The following DNAH2 variants were observed in gnomAD, a reference collection of about 807,000 sequenced individuals.
DNAH2 encodes the protein axonemal beta dynein heavy chain 2.
A neutral mutation model predicts 523.5 loss-of-function variants in DNAH2; 323 were observed. That is an observed-to-expected ratio of 0.62 (90% CI 0.56 to 0.68). The LOEUF (loss-of-function observed/expected upper bound fraction) is 0.68, where lower values mean the gene tolerates loss of function less well. DNAH2 is among the 30% of genes least tolerant of loss of function. DNAH2 has a pLI of 0.00. For missense variants in DNAH2, 4,907 were observed against 5,701.5 expected (o/e 0.86, Z 4.49); for synonymous variants, 2,093 against 2,177.4 (o/e 0.96, Z 1.08).
Position 7,793,101 on chromosome 17 carries a change from G to A in DNAH2, c.7465G>A (p.Ala2489Thr), listed in dbSNP as rs538779683. The A allele has an allele frequency of 2.5e-5, 41 of 1,614,184 alleles. No individual in the cohort carries two copies. The highest frequency in any genetic ancestry group is 9.9e-5 in the South Asian group (9 of 91,074). ...ITFMDDLNMP[A>T]KDMFGSQPPL... ...CTTTATGGATGACCTAAATATGCCC[G>A]CTAAGGACATGTTTGGGTCCCAGCC... is the stretch of plus-strand genomic sequence containing the variant. Residue 2489 changes from alanine to threonine, a missense_variant, in exon 48 of 86, where the codon GCT becomes ACT. Ala to Thr is a moderately conservative substitution (Grantham distance 58). This residue lies in a region of DNAH2 where 250 missense variants were observed against 371.3 expected (regional missense o/e 0.67). Transcript: ENST00000572933.
chr17:7,751,920 G>GGTGTGTGTGT lies in DNAH2; in HGVS notation c.1905-5153_1905-5144dup, dbSNP rs1555544367. ...TGAGTCTTTCCAAGAATAGTTGTGG[G>GGTGTGTGTGT]GTGTGTGTGTGTGTGTGTGTGTGTG... is the stretch of plus-strand genomic sequence containing the variant. On this transcript the variant is annotated intron_variant, in intron 12 of 85. Transcript: ENST00000572933. Among the ~76,000 whole-genome samples the GGTGTGTGTGT allele has an allele frequency of 1.3e-3, 195 of 145,986 alleles. 1 individual carries two copies. The highest frequency in any genetic ancestry group is 3.9e-3 in the African/African-American group (157 of 39,786).
intron 39 of DNAH2, among the ~76,000 whole-genome samples, chr17:7,785,225 C>G (rs767943506): frequency 4.6e-5 from 7 of 152,036 alleles, no homozygotes; most frequent in African/African-American, 7.2e-5. Flanking sequence ...CCTCAGCCTC[C>G]TGAGTAGCTG....
At chr17:7,721,157 C>T (rs1487910657) in intron 2 of DNAH2, among the ~76,000 whole-genome samples, 1 of 151,520 alleles carries the variant, frequency 6.6e-6, no homozygotes, top group Non-Finnish European at 1.5e-5. Context: ...TACAGGCATA[C>T]ACCACCATGC....
chr17:7,778,479 C>G lies in DNAH2; in HGVS notation c.5541+10C>G. The stretch of plus-strand genomic sequence containing the variant: ...CTCAGGTCTGGCCCAGGTCAGTATC[C>G]TGCCACCCTGTGCCAGAAGCCCCTT... On this transcript the variant is annotated intron_variant, in intron 35 of 85. Coordinates refer to ENST00000572933, the MANE Select transcript of DNAH2 (RefSeq NM_020877.5). 1 of 1,592,784 alleles carries G rather than the reference C, an allele frequency of 6.3e-7. No individual in the cohort carries two copies. The highest frequency in any genetic ancestry group is 8.6e-7 in the Non-Finnish European group (1 of 1,167,900).
rs1349495383 is a variant in DNAH2, at chr17:7,797,199, C to T, written c.7887C>T (p.Ala2629=). The T allele has an allele frequency of 1.9e-6, 3 of 1,613,886 alleles. No homozygotes were observed. Among genetic ancestry groups the T allele is most frequent in the Non-Finnish European group, 2.5e-6 (3 of 1,179,956 alleles). ...ISKVFQGMLR[A]NKDFHDTKSS... is the part of the protein sequence containing the mutation. ...AGGTGTTCCAGGGCATGCTTAGAGCCAACAAGGACTTCCATGATACCAAGT... is the reference window on the plus strand; with the variant it reads ...AGGTGTTCCAGGGCATGCTTAGAGCTAACAAGGACTTCCATGATACCAAGT... The change falls in exon 51 of 86, where the codon GCC becomes GCT. Residue 2629 remains alanine, a synonymous_variant. Transcript: ENST00000572933.
chr17:7,814,533 A>G (rs1423755485), intron 63 of DNAH2, among the ~76,000 whole-genome samples: 1 of 152,248 alleles, frequency 6.6e-6, no homozygotes, highest in African/African-American at 2.4e-5. Context: ...TTTTTCAGAG[A>G]TACAGAAGTA....
chr17:7,786,472 TGA>T lies in DNAH2; in HGVS notation c.6349-93_6349-92del. On this transcript the variant is annotated intron_variant, in intron 40 of 85. Transcript: ENST00000572933. This position sits in a 1 kb window ranked among gnomAD's most constrained non-coding sequence, Gnocchi z 7.5. ...CTGGGACCATGGTGGCCTGGAGCGA[TGA>T]GAGAAGGGACAAATGCACGTACCTA... The T allele has an allele frequency of 6.8e-7, 1 of 1,464,574 alleles. No homozygotes were observed. The highest frequency in any genetic ancestry group is 9.4e-7 in the Non-Finnish European group (1 of 1,065,006). The allele number at this position is 1,464,574 out of a possible 1,614,324, so 90.7% of individuals were successfully genotyped here.
Position 7,798,380 on chromosome 17 carries a change from C to A in DNAH2, c.8398+56C>A. Reference sequence around the variant, plus strand: ...AAAAGATCAGATGCATACATTCCTGCAGTGACAAGAGAGGAGAGATGGCAG... The same window carrying A: ...AAAAGATCAGATGCATACATTCCTGAAGTGACAAGAGAGGAGAGATGGCAG... On this transcript the variant is annotated intron_variant, in intron 54 of 85. Transcript: ENST00000572933. This position sits in a 1 kb window ranked among gnomAD's most constrained non-coding sequence, Gnocchi z 5.5. 6.4e-7 allele frequency: 1 copy of A among 1,563,930 alleles called. No homozygotes were observed. Among genetic ancestry groups the A allele is most frequent in the East Asian group, 2.3e-5 (1 of 44,278 alleles).
At chr17:7,730,225 G>A (rs957449369) in intron 4 of DNAH2, among the ~76,000 whole-genome samples, 2 of 151,810 alleles carry the variant, frequency 1.3e-5, no homozygotes, top group Middle Eastern at 3.2e-3. Context: ...AAAGCAGCAT[G>A]TTATAAAACC....
In DNAH2 at chr17:7,798,769, T is replaced by C. The variant is rs898529306; in HGVS notation, c.8559+51T>C. 3 of 1,580,474 alleles carry C rather than the reference T, an allele frequency of 1.9e-6. No individual in the cohort carries two copies. The highest frequency in any genetic ancestry group is 2.6e-6 in the Non-Finnish European group (3 of 1,164,658). On this transcript the variant is annotated intron_variant, in intron 55 of 85. Coordinates refer to ENST00000572933, the MANE Select transcript of DNAH2 (RefSeq NM_020877.5). The surrounding 1 kb of genome is among the most constrained non-coding windows in gnomAD (Gnocchi z 5.5). ...CAGTCAGTTCTTTGGCCTGCCTAGC[T>C]GACCCCAGAAGGACCACAGCTCCCA...
At position 7,787,027 on chromosome 17, in the gene DNAH2, C is replaced by G; in HGVS notation, c.6597C>G (p.Pro2199=). The part of the protein sequence containing the change: ...TLINGERIAM[P]EQVSLLFEVE... ...TCAACGGCGAGCGCATCGCGATGCC[C>G]GAGCAGGTCAGGGACGCGGCTGACT... The change falls in exon 42 of 86, where the codon CCC becomes CCG. Residue 2199 remains proline, a synonymous_variant. Transcript: ENST00000572933. The G allele has an allele frequency of 2.5e-6, 4 of 1,614,020 alleles. No homozygotes were observed. The highest frequency in any genetic ancestry group is 3.4e-6 in the Non-Finnish European group (4 of 1,180,014).
intron 3 of DNAH2, among the ~76,000 whole-genome samples, chr17:7,725,445 CT>C (rs1213061412): frequency 3.3e-5 from 2 of 60,878 alleles, no homozygotes; most frequent in Non-Finnish European, 7.9e-5. Context: ...TATATATTTT[CT>C]TTTTGAGACA....
At chr17:7,800,594 C>T (rs931904850) in intron 56 of DNAH2, among the ~76,000 whole-genome samples, 54 of 150,928 alleles carry the variant, frequency 3.6e-4, no homozygotes, top group African/African-American at 1.3e-3. Context: ...TGTCTGGGCG[C>T]GGTGGCTCAT....
intron 11 of DNAH2, 85 bp from the exon 12 acceptor site, chr17:7,742,843 C>T (rs1039854894): frequency 5.7e-5 from 55 of 965,562 alleles, no homozygotes; most frequent in Non-Finnish European, 6.6e-5. Context: ...TGTGCGCATG[C>T]GCGCATGTGT....
Position 7,816,705 on chromosome 17 carries a change from C to T in DNAH2, c.9864C>T (p.Gly3288=), listed in dbSNP as rs143512388. 83 of 1,613,894 alleles carry T rather than the reference C, an allele frequency of 5.1e-5. No individual in the cohort carries two copies. The Middle Eastern group carries it at 3.0e-3, about 58-fold the overall frequency. ...GGATGCTCGTGTCGGGGTTGGCTGG[C>T]GAGAAGGCCAGATGGGAGGAGACAG... ...RAGMLVSGLA[G]EKARWEETVQ... The change falls in exon 64 of 86, where the codon GGC becomes GGT. Residue 3288 remains glycine (G), a synonymous_variant. Coordinates refer to ENST00000572933, the MANE Select transcript of DNAH2 (RefSeq NM_020877.5).
At chr17:7,736,322 G>A (rs2075141070) in intron 7 of DNAH2, among the ~76,000 whole-genome samples, 1 of 152,218 alleles carries the variant, frequency 6.6e-6, no homozygotes, top group Non-Finnish European at 1.5e-5. Flanking sequence ...AGGGAATTGA[G>A]CCAGAACTAA....
intron 32 of DNAH2, among the ~76,000 whole-genome samples, chr17:7,777,128 C>CAAAAAAAAAAAAAAA (rs748410853): frequency 1.1e-5 from 1 of 87,942 alleles, no homozygotes; most frequent in African/African-American, 3.9e-5. Flanking sequence ...GACTCTGTCT[C>CAAAAAAAAAAAAAAA]AAAAAAAAAA....
intron 8 of DNAH2, among the ~76,000 whole-genome samples, chr17:7,738,501 T>C (rs1482855593): frequency 6.6e-6 from 1 of 152,022 alleles, no homozygotes; most frequent in Non-Finnish European, 1.5e-5. Context: ...GGCTAATTTT[T>C]TGTATTTTTA....
intron 12 of DNAH2, among the ~76,000 whole-genome samples, chr17:7,752,015 G>A (rs2075698126): frequency 6.7e-6 from 1 of 149,700 alleles, no homozygotes; most frequent in Non-Finnish European, 1.5e-5. Flanking sequence ...TCAGCTCACT[G>A]CAGCTAGGAC....
Sources: gnomAD v4.1 joint callset for allele counts (sites outside exome capture counted in the v4.1 genomes callset) on GRCh38, gnomAD v4.1.1 for gene constraint, gnomAD v4.1.1 regional missense constraint, Gnocchi (gnomAD v3.1) non-coding constraint, MANE v1.5 for transcripts, NCBI Gene and HGNC (gene_info 2026-07-23, HGNC 2026-07-21) for gene names.